MTMR9: variants seen among roughly 807,000 people sequenced by gnomAD.
MTMR9 encodes the protein myotubularin related protein 9, also known as myotubularin-related protein 9.
A neutral mutation model predicts 69.5 loss-of-function variants in MTMR9; 39 were observed. The observed-to-expected ratio is 0.56, with a 90% CI of 0.43 to 0.73. The LOEUF (loss-of-function observed/expected upper bound fraction) is 0.73. Among genes scored for constraint, MTMR9 ranks in the 30% least tolerant of loss-of-function variants. The pLI is 0.00. For missense variants in MTMR9, 900 were observed against 671.2 expected (o/e 1.34, Z -3.77); for synonymous variants, 354 against 240.8 (o/e 1.47, Z -4.35).
In MTMR9 at chr8:11,285,080, C is replaced by T. The variant is rs201495128; in HGVS notation, c.182+10C>T. 5.1e-6 allele frequency: 8 copies of T among 1,566,294 alleles called. No homozygotes were observed. Among genetic ancestry groups the T allele is most frequent in the East Asian group, 2.4e-5 (1 of 41,084 alleles). On this transcript the variant is annotated intron_variant, in intron 1 of 9. Coordinates refer to ENST00000221086, the MANE Select transcript of MTMR9 (RefSeq NM_015458.4). ...ACGCCATCGACAAGCGGTGAGTGCC[C>T]GCCCCACCCCAGCTCCGCAGGGAGC...
chr8:11,285,286 G>A, intron 1 of MTMR9: 1 of 517,824 alleles, frequency 1.9e-6, no homozygotes, highest in Non-Finnish European at 3.4e-6. Flanking sequence ...GGGTTATCGT[G>A]TGGCTGGTAC....
chr8:11,320,065 A>G (rs1000681645), intron 9 of MTMR9: 1 of 456,108 alleles, frequency 2.2e-6, no homozygotes, highest in Non-Finnish European at 3.8e-6. Flanking sequence ...GTTTCTTTAC[A>G]TTGCTGTTTA....
At chr8:11,331,023 G>C (rs2736268), downstream of MTMR9, 826,168 of 1,489,314 alleles carry the variant, frequency 0.55, 232,679 homozygotes, top group East Asian at 0.97. Flanking sequence ...AACCCCACCC[G>C]CACTCCAATG....
chr8:11,323,958 T>C lies in MTMR9; in HGVS notation c.*1170T>C, dbSNP rs1210134987. The C allele has an allele frequency of 6.6e-6, 1 of 152,254 alleles. No individual in the cohort carries two copies. Among genetic ancestry groups the C allele is most frequent in the Non-Finnish European group, 1.5e-5 (1 of 68,050 alleles). 9.4% of individuals were successfully genotyped at this position (152,254 alleles called of 1,614,324 possible). On this transcript the variant is annotated 3_prime_UTR_variant, in exon 10 of 10. Transcript: ENST00000221086. The stretch of plus-strand genomic sequence containing the variant: ...TTATAGAAACAGTGATGACTATTCA[T>C]GCTCTGCTAGTCTATGCCTGCAACT...
At chr8:11,308,122 A>C (rs1286085622) in intron 5 of MTMR9, among the ~76,000 whole-genome samples, 1 of 152,146 alleles carries the variant, frequency 6.6e-6, no homozygotes, top group African/African-American at 2.4e-5. Flanking sequence ...TCCCAGACCA[A>C]TGTCAAGAAG....
chr8:11,316,525 A>C (rs1800421052), intron 7 of MTMR9, 148 bp from the exon 8 acceptor site: 4 of 469,198 alleles, frequency 8.5e-6, no homozygotes, highest in Non-Finnish European at 1.5e-5. Flanking sequence ...TATACCAAGA[A>C]ATCATTAATC....
At chr8:11,290,863 G>GTTTTTTT (rs1342970064) in intron 1 of MTMR9, among the ~76,000 whole-genome samples, 1 of 115,436 alleles carries the variant, frequency 8.7e-6, no homozygotes, top group African/African-American at 3.2e-5. Context: ...CCCCGCTTTC[G>GTTTTTTT]TTTTTTTTTT....
chr8:11,296,577 TTC>T (rs1236820470), intron 2 of MTMR9, among the ~76,000 whole-genome samples: 1 of 152,192 alleles, frequency 6.6e-6, no homozygotes, highest in African/African-American at 2.4e-5. Context: ...CCATTCTACT[TTC>T]TGTTTCTCTG....
downstream of MTMR9, chr8:11,330,770 C>G (rs1801183281): frequency 2.4e-6 from 1 of 421,174 alleles, no homozygotes. Flanking sequence ...CCCAGGGACA[C>G]AAACACTGCG....
chr8:11,301,197 A>G (rs891640746), intron 3 of MTMR9, among the ~76,000 whole-genome samples: 3 of 152,200 alleles, frequency 2.0e-5, no homozygotes, highest in Admixed American at 2.0e-4. Context: ...TGGAAATGCA[A>G]ATTTAAATAT....
chr8:11,319,688 T>G lies in MTMR9; in HGVS notation c.1336T>G (p.Cys446Gly). Residue 446 changes from cysteine (C) to glycine (G), a missense_variant and splice_region_variant, in exon 9 of 10, where the codon TGT (cysteine) becomes GGT (glycine). By Grantham distance (159) the Cys-to-Gly change is radical. Transcript: ENST00000221086. ...TFLGNNESERCKLKLQQKTMS... is the reference protein window; with the variant it reads ...TFLGNNESERGKLKLQQKTMS... Reference sequence around the variant, plus strand: ...ATGGCAGTGTTCTTTCTTGATCAGATGTAAGTTGAAGCTACAGCAGAAGAC... The same window carrying G: ...ATGGCAGTGTTCTTTCTTGATCAGAGGTAAGTTGAAGCTACAGCAGAAGAC... 6.2e-7 allele frequency: 1 copy of G among 1,613,586 alleles called. No individual in the cohort carries two copies. The highest frequency in any genetic ancestry group is 8.5e-7 in the Non-Finnish European group (1 of 1,180,000).
chr8:11,308,904 C>G (rs1800074811), intron 5 of MTMR9, among the ~76,000 whole-genome samples: 1 of 152,228 alleles, frequency 6.6e-6, no homozygotes, highest in African/African-American at 2.4e-5. Context: ...CTCATCACCA[C>G]AAGGCCAGCT....
At chr8:11,311,607 A>G (rs1282323340) in intron 6 of MTMR9, among the ~76,000 whole-genome samples, 2 of 152,236 alleles carry the variant, frequency 1.3e-5, no homozygotes, top group Non-Finnish European at 2.9e-5. Flanking sequence ...ATTTGAGGTT[A>G]TTGGCCCTGG....
At chr8:11,331,783 C>G (rs767437851), downstream of MTMR9, 2 of 1,611,712 alleles carry the variant, frequency 1.2e-6, no homozygotes, top group South Asian at 1.1e-5. Flanking sequence ...GCCTTCCTAT[C>G]TGGCTTGGTG....
downstream of MTMR9, among the ~76,000 whole-genome samples, chr8:11,330,155 G>A (rs1563296001): frequency 2.6e-5 from 4 of 151,662 alleles, no homozygotes; most frequent in Non-Finnish European, 2.9e-5. Flanking sequence ...GGGAGGTCGG[G>A]GATCAGCCCC....
intron 1 of MTMR9, among the ~76,000 whole-genome samples, chr8:11,294,333 T>C (rs981876011): frequency 6.6e-6 from 1 of 152,142 alleles, no homozygotes; most frequent in East Asian, 1.9e-4. Flanking sequence ...AATTCAATCC[T>C]TCACCGTTAA....
chr8:11,323,800 T>A lies in MTMR9; in HGVS notation c.*1012T>A, dbSNP rs548161007. ...AATTTTCATGTTGACCTGAGCCTTT[T>A]GCAAATTTGCTTTGGCTCTATTGAT... On this transcript the variant is annotated 3_prime_UTR_variant, in exon 10 of 10. Coordinates refer to ENST00000221086, the MANE Select transcript of MTMR9 (RefSeq NM_015458.4). The A allele has an allele frequency of 3.9e-5, 6 of 152,352 alleles. No homozygotes were observed. Among genetic ancestry groups the A allele is most frequent in the Admixed American group, 6.5e-5 (1 of 15,314 alleles). The allele number at this position is 152,352 out of a possible 1,614,324, so 9.4% of individuals were successfully genotyped here.
chr8:11,311,163 TC>T lies in MTMR9; in HGVS notation c.971+1479del, dbSNP rs200806584. On this transcript the variant is annotated intron_variant, in intron 6 of 9. Transcript: ENST00000221086. ...ACAGAAGCCTTAAAGTACATGCTCA[TC>T]CCCTTCAGCCTAGTCATTAGGTTTT... Among the ~76,000 whole-genome samples, 632 of 152,322 alleles carry T rather than the reference TC, an allele frequency of 4.1e-3. 5 individuals carry two copies. The highest frequency in any genetic ancestry group is 0.014 in the African/African-American group (597 of 41,562).
Position 11,304,915 on chromosome 8 carries a change from G to C in MTMR9, c.492G>C (p.Val164=), listed in dbSNP as rs767747861. The C allele has an allele frequency of 3.1e-6, 5 of 1,614,060 alleles. No homozygotes were observed. The highest frequency in any genetic ancestry group is 4.2e-6 in the Non-Finnish European group (5 of 1,179,966). The part of the protein sequence containing the change: ...VCPSYPPIVT[V]PKSIDDEALR... ...CCTCTTACCCACCAATTGTCACAGTGCCCAAATCCATCGATGATGAAGCTC... is the reference window on the plus strand; with the variant it reads ...CCTCTTACCCACCAATTGTCACAGTCCCCAAATCCATCGATGATGAAGCTC... The change falls in exon 4 of 10, where the codon GTG becomes GTC. Residue 164 remains valine (V), a synonymous_variant. Coordinates refer to ENST00000221086, the MANE Select transcript of MTMR9 (RefSeq NM_015458.4).
Sources: allele counts gnomAD v4.1 joint callset (sites outside exome capture counted in the v4.1 genomes callset), GRCh38; gene constraint gnomAD v4.1.1; transcripts MANE v1.5; gene names NCBI Gene and HGNC (gene_info 2026-07-23, HGNC 2026-07-21).